GPA33: variants seen among roughly 807,000 people sequenced by gnomAD.
GPA33 encodes glycoprotein A33.
In GPA33, 27 loss-of-function variants were observed where a neutral mutation model predicts 35.6. The observed-to-expected ratio is 0.76, with a 90% CI of 0.56 to 1.04. The LOEUF (loss-of-function observed/expected upper bound fraction) is 1.04, where lower values mean the gene tolerates loss of function less well. Among genes scored for constraint, GPA33 ranks in the 50% least tolerant of loss-of-function variants. The pLI, the probability that GPA33 is intolerant of heterozygous loss-of-function variation, is 0.00. For missense variants in GPA33, 428 were observed against 411.9 expected, an observed-to-expected ratio of 1.04 and a Z score of -0.34; for synonymous variants, 176 against 164.0, an observed-to-expected ratio of 1.07 and a Z score of -0.56.
chr1:167,070,383 A>C (rs2102188025), intron 2 of GPA33, among the ~76,000 whole-genome samples: 1 of 152,248 alleles, frequency 6.6e-6, no homozygotes, highest in South Asian at 2.1e-4. Flanking sequence ...TATCTCATGG[A>C]ATCTTCACAA....
intron 4 of GPA33, among the ~76,000 whole-genome samples, chr1:167,063,166 G>T (rs572756404): frequency 1.3e-5 from 2 of 152,310 alleles, no homozygotes; most frequent in South Asian, 4.1e-4. Context: ...GATGGCTCAC[G>T]CCTGTAATCC....
At chr1:167,075,219 G>C (rs956725358) in intron 1 of GPA33, among the ~76,000 whole-genome samples, 4 of 152,106 alleles carry the variant, frequency 2.6e-5, no homozygotes, top group African/African-American at 9.7e-5. Flanking sequence ...ATTGTTAAAA[G>C]ATCATTCTGG....
chr1:167,054,921 G>C (rs1666202030), intron 6 of GPA33, 55 bp downstream of exon 6: 1 of 1,594,152 alleles, frequency 6.3e-7, no homozygotes, highest in Admixed American at 1.7e-5. Context: ...GAATTGGGAA[G>C]CATATTTCCA....
chr1:167,074,314 C>A (rs554450083), intron 1 of GPA33, among the ~76,000 whole-genome samples: 20 of 151,986 alleles, frequency 1.3e-4, no homozygotes, highest in African/African-American at 4.8e-4. Flanking sequence ...TTCACCTGGT[C>A]CCTTGCGATG....
At chr1:167,056,563 TGTG>T (rs540336360) in intron 4 of GPA33, among the ~76,000 whole-genome samples, 8 of 41,196 alleles carry the variant, frequency 1.9e-4, no homozygotes, top group African/African-American at 7.5e-4. Context: ...GTGTATGGTA[TGTG>T]GTGTGTGTGG....
Position 167,068,951 on chromosome 1 carries a change from G to C in GPA33, c.386C>G (p.Thr129Ser). The C allele has an allele frequency of 1.2e-6, 2 of 1,613,330 alleles. No homozygotes were observed. Among genetic ancestry groups the C allele is most frequent in the Non-Finnish European group, 1.7e-6 (2 of 1,179,926 alleles). The change falls in exon 3 of 7, where the codon ACC becomes AGC. Residue 129 changes from threonine (T) to serine (S), a missense_variant. Thr to Ser is a moderately conservative substitution (Grantham distance 58). Coordinates refer to ENST00000367868, the MANE Select transcript of GPA33 (RefSeq NM_005814.3). The stretch of plus-strand genomic sequence containing the variant: ...GACCAACAGGCGGACACGTGACTTG[G>C]TGTTGCCCTCCAGGTCTGACATCAG... ...VSLMSDLEGN[T>S]KSRVRLLVLV...
At chr1:167,082,396 C>T (rs1666967404) in intron 1 of GPA33, 2 of 438,966 alleles carry the variant, frequency 4.6e-6, no homozygotes, top group East Asian at 7.0e-5. Flanking sequence ...CCTATTTTGT[C>T]AGGAGCTCAC....
At chr1:167,072,649 T>C (rs992642394) in intron 2 of GPA33, among the ~76,000 whole-genome samples, 1 of 152,220 alleles carries the variant, frequency 6.6e-6, no homozygotes, top group Non-Finnish European at 1.5e-5. Flanking sequence ...TGTCCATTCA[T>C]GGTACATATA....
At chr1:167,057,953 C>T (rs1180339058) in intron 4 of GPA33, among the ~76,000 whole-genome samples, 1 of 152,212 alleles carries the variant, frequency 6.6e-6, no homozygotes, top group African/African-American at 2.4e-5. Flanking sequence ...AATCCCAGCA[C>T]CTTGGGAGGC....
intron 4 of GPA33, among the ~76,000 whole-genome samples, chr1:167,061,588 T>TG (rs1304888256): frequency 4.3e-5 from 2 of 46,998 alleles, no homozygotes; most frequent in African/African-American, 1.1e-4. Flanking sequence ...TACTAACTGT[T>TG]TTTTTTTTTT....
In GPA33 at chr1:167,053,463, C is replaced by G. The variant is rs547158450; in HGVS notation, c.*871G>C. On this transcript the variant is annotated 3_prime_UTR_variant, in exon 7 of 7. Transcript: ENST00000367868. ...CTTAAGTGCCCACTAGGATGGGCGC[C>G]AGCTACTAGGGCTTCAGGGAAAGCA... 1 of 152,428 alleles carries G rather than the reference C, an allele frequency of 6.6e-6. No homozygotes were observed. Among genetic ancestry groups the G allele is most frequent in the Admixed American group, 6.5e-5 (1 of 15,302 alleles). The allele number at this position is 152,428 out of a possible 1,614,324, so 9.4% of individuals were successfully genotyped here.
intron 4 of GPA33, among the ~76,000 whole-genome samples, chr1:167,060,442 C>T (rs966289886): frequency 5.9e-4 from 90 of 152,322 alleles, no homozygotes; most frequent in African/African-American, 2.1e-3. Context: ...ACTCTGCCCT[C>T]ACCCCGCAAT....
At chr1:167,060,199 A>T (rs1420629733) in intron 4 of GPA33, among the ~76,000 whole-genome samples, 1 of 152,130 alleles carries the variant, frequency 6.6e-6, no homozygotes, top group East Asian at 1.9e-4. Flanking sequence ...CAGCCTCCCA[A>T]GTAGCTGGGA....
At chr1:167,066,782 C>A (rs1297768278) in intron 3 of GPA33, among the ~76,000 whole-genome samples, 1 of 152,206 alleles carries the variant, frequency 6.6e-6, no homozygotes, top group Non-Finnish European at 1.5e-5. Flanking sequence ...CCGAAGCCTG[C>A]GACTCCCGCT....
At chr1:167,089,301 C>T (rs1335045400) in intron 1 of GPA33, among the ~76,000 whole-genome samples, 1 of 152,166 alleles carries the variant, frequency 6.6e-6, no homozygotes, top group African/African-American at 2.4e-5. Context: ...CTAAACCAGT[C>T]TCCTGGTTTC....
chr1:167,067,134 G>GT (rs1666613854), intron 3 of GPA33, among the ~76,000 whole-genome samples: 3 of 152,156 alleles, frequency 2.0e-5, no homozygotes, highest in South Asian at 2.1e-4. Context: ...TTTTCTCTGT[G>GT]TTTTTTGTTT....
At chr1:167,071,767 C>A (rs954167114) in intron 2 of GPA33, among the ~76,000 whole-genome samples, 1 of 152,160 alleles carries the variant, frequency 6.6e-6, no homozygotes, top group Non-Finnish European at 1.5e-5. Context: ...CCTGGACCTC[C>A]GCCAGGCTAG....
intron 1 of GPA33, among the ~76,000 whole-genome samples, chr1:167,079,290 C>T (rs1025902772): frequency 4.0e-5 from 6 of 151,870 alleles, no homozygotes; most frequent in African/African-American, 9.7e-5. Context: ...CTCAGGAATT[C>T]GAGACCAGCC....
At position 167,054,566 on chromosome 1, in the gene GPA33, C is replaced by T. The variant is rs377508532; in HGVS notation, c.828-100G>A. The T allele has an allele frequency of 1.4e-4, 205 of 1,414,574 alleles. No homozygotes were observed. The East Asian group carries it at 3.7e-3, about 26-fold the overall frequency. 87.6% of individuals were successfully genotyped at this position (1,414,574 alleles called of 1,614,324 possible). ...ATTACAGGAAGAGCAGCCTCCAGAC[C>T]TCCTCCCCACCCACCAGCTGCAGAG... On this transcript the variant is annotated intron_variant, in intron 6 of 6. Transcript: ENST00000367868.
Sources: gnomAD v4.1 joint callset for allele counts (sites outside exome capture counted in the v4.1 genomes callset) on GRCh38, gnomAD v4.1.1 for gene constraint, MANE v1.5 for transcripts, NCBI Gene and HGNC (gene_info 2026-07-23, HGNC 2026-07-21) for gene names.